The following SAMD3 variants were observed in gnomAD, a reference collection of about 807,000 sequenced individuals.
SAMD3 encodes sterile alpha motif domain-containing protein 3.
SAMD3 carries 63 observed loss-of-function variants against 58.5 expected under a neutral mutation model. The observed-to-expected ratio is 1.08, with a 90% confidence interval of 0.88 to 1.33. SAMD3 has a LOEUF of 1.33. SAMD3 is among the 40% of genes most tolerant of loss of function. The pLI, the probability that SAMD3 is intolerant of heterozygous loss-of-function variation, is 0.00. For missense variants in SAMD3, 604 were observed against 608.4 expected (o/e 0.99, Z 0.08); for synonymous variants, 220 against 210.3 (o/e 1.05, Z -0.40).
chr6:130,297,822 A>G (rs977833431), intron 2 of SAMD3, among the ~76,000 whole-genome samples: 2 of 152,232 alleles, frequency 1.3e-5, no homozygotes, highest in Non-Finnish European at 2.9e-5. Flanking sequence ...TCACCCAGTC[A>G]GACAAAAATC....
chr6:130,192,547 A>C (rs1361639391), intron 5 of SAMD3, among the ~76,000 whole-genome samples: 4 of 150,390 alleles, frequency 2.7e-5, no homozygotes, highest in East Asian at 4.0e-4. Context: ...CCAGAGAACA[A>C]CCCCCCTTTT....
In SAMD3 at chr6:130,176,026, C is replaced by T. The variant is rs1791691715; in HGVS notation, c.655-18G>A. ...CATAAAAACTGTAAAATAAAACAGA[C>T]CAGTTAATCTTCAAGGAGATTGAGA... On this transcript the variant is annotated intron_variant, in intron 7 of 11. Transcript: ENST00000439090. 1 of 1,603,556 alleles carries T rather than the reference C, an allele frequency of 6.2e-7. No individual in the cohort carries two copies. Among genetic ancestry groups the T allele is most frequent in the African/African-American group, 1.3e-5 (1 of 74,664 alleles).
intron 2 of SAMD3, among the ~76,000 whole-genome samples, chr6:130,251,797 G>A (rs1280974748): frequency 2.6e-5 from 4 of 152,132 alleles, no homozygotes; most frequent in African/African-American, 9.7e-5. Context: ...AGGAAGGTAT[G>A]AGTCCTCCAA....
intron 8 of SAMD3, among the ~76,000 whole-genome samples, chr6:130,174,193 T>C (rs1791511403): frequency 6.6e-6 from 1 of 152,110 alleles, no homozygotes; most frequent in Non-Finnish European, 1.5e-5. Context: ...AACAGTTCTG[T>C]CTCACTGGGG....
chr6:130,260,625 G>C (rs1248582114), intron 2 of SAMD3, among the ~76,000 whole-genome samples: 1 of 152,184 alleles, frequency 6.6e-6, no homozygotes, highest in South Asian at 2.1e-4. Flanking sequence ...TTGGTTCCCT[G>C]ACCGGGAAGC....
rs991029263 is a variant in SAMD3 at position 130,196,225 on chromosome 6, A to G, written c.384-11602T>C. On this transcript the variant is annotated intron_variant, in intron 5 of 11. Coordinates refer to ENST00000439090, the MANE Select transcript of SAMD3 (RefSeq NM_001017373.4). ...TCAGAGGCCTTTAAAATAACAAACT[A>G]TGCTCAACTCACTCTCTACAGTTCT... Among the ~76,000 whole-genome samples, 10 of 152,120 alleles carry G rather than the reference A, an allele frequency of 6.6e-5. No individual in the cohort carries two copies. The East Asian group carries it at 1.9e-3, about 29-fold the overall frequency.
At position 130,184,142 on chromosome 6, in the gene SAMD3, C is replaced by T. The variant is rs772108108; in HGVS notation, c.615G>A (p.Leu205=). 1 of 1,614,064 alleles carries T rather than the reference C, an allele frequency of 6.2e-7. No individual in the cohort carries two copies. The highest frequency in any genetic ancestry group is 8.5e-7 in the Non-Finnish European group (1 of 1,179,960). ...QQYNDVVNAL[L]QAHPFLDEDG... ...CCTCATCCAGGAAAGGGTGGGCCTGCAGCAGGGCATTAACCACGTCATTGT... is the reference window on the plus strand; with the variant it reads ...CCTCATCCAGGAAAGGGTGGGCCTGTAGCAGGGCATTAACCACGTCATTGT... Residue 205 remains leucine (L), a synonymous_variant, in exon 7 of 12, where the codon CTG becomes CTA. Coordinates refer to ENST00000439090, the MANE Select transcript of SAMD3 (RefSeq NM_001017373.4).
At chr6:130,198,904 C>A (rs1582894578) in intron 5 of SAMD3, among the ~76,000 whole-genome samples, 2 of 152,152 alleles carry the variant, frequency 1.3e-5, no homozygotes, top group South Asian at 4.1e-4. Context: ...CTCAGCTGAA[C>A]CCTGGTTGAC....
intron 1 of SAMD3, among the ~76,000 whole-genome samples, chr6:130,222,290 G>T (rs140974702): frequency 6.6e-6 from 1 of 152,156 alleles, no homozygotes; most frequent in Non-Finnish European, 1.5e-5. Flanking sequence ...GCAATGGTCC[G>T]AATAGCAAAT....
chr6:130,317,415 A>G (rs1028784726), intron 1 of SAMD3, among the ~76,000 whole-genome samples: 1 of 152,216 alleles, frequency 6.6e-6, no homozygotes, highest in Admixed American at 6.5e-5. Context: ...CATGTATTTT[A>G]TTATGATATA....
chr6:130,184,358 G>T, intron 6 of SAMD3, 80 bp downstream of exon 6: 1 of 1,383,110 alleles, frequency 7.2e-7, no homozygotes. Flanking sequence ...AATCTGAAGA[G>T]AGTTGATTCC....
At chr6:130,170,559 C>T (rs13218154) in intron 8 of SAMD3, among the ~76,000 whole-genome samples, 14,419 of 152,174 alleles carry the variant, frequency 0.095, 1,091 homozygotes, top group African/African-American at 0.21. Context: ...TTTCATGATA[C>T]TGACTCTTCC....
chr6:130,162,662 C>A (rs539606558), intron 8 of SAMD3, among the ~76,000 whole-genome samples: 2 of 152,078 alleles, frequency 1.3e-5, no homozygotes, highest in Admixed American at 6.6e-5. Flanking sequence ...CTTATAAATA[C>A]CCTATGAAAA....
intron 5 of SAMD3, among the ~76,000 whole-genome samples, chr6:130,193,404 GC>G (rs1199818750): frequency 6.6e-5 from 10 of 151,736 alleles, no homozygotes; most frequent in Middle Eastern, 3.4e-3. Context: ...TTATTTCCGT[GC>G]CCTGACCTCT....
chr6:130,149,091 A>G (rs1445852669), intron 9 of SAMD3, among the ~76,000 whole-genome samples: 1 of 152,184 alleles, frequency 6.6e-6, no homozygotes, highest in Non-Finnish European at 1.5e-5. Flanking sequence ...TCAATTCCAA[A>G]CCAATACCAC....
chr6:130,151,087 C>T (rs1260899618), intron 9 of SAMD3, among the ~76,000 whole-genome samples: 6 of 152,130 alleles, frequency 3.9e-5, no homozygotes, highest in South Asian at 2.1e-4. Context: ...GTGTAGACTT[C>T]GGCCCAGCCC....
At position 130,182,086 on chromosome 6, in the gene SAMD3, A is replaced by C. The variant is rs1338065931; in HGVS notation, c.654+2017T>G. Among the ~76,000 whole-genome samples the C allele has an allele frequency of 4.2e-3, 630 of 150,494 alleles. 8 individuals are homozygous for C. Among genetic ancestry groups the C allele is most frequent in the African/African-American group, 0.013 (522 of 40,792 alleles). ...TCTCAAAAAAAAAAAAAAAAAAAAA[A>C]ACCACAAGTTCTATACACAGTAACA... On this transcript the variant is annotated intron_variant, in intron 7 of 11. Coordinates refer to ENST00000439090, the MANE Select transcript of SAMD3 (RefSeq NM_001017373.4).
At chr6:130,228,019 A>C (rs917526215) in intron 2 of SAMD3, among the ~76,000 whole-genome samples, 3 of 152,212 alleles carry the variant, frequency 2.0e-5, no homozygotes, top group African/African-American at 7.2e-5. Flanking sequence ...CCAGCAAAGC[A>C]AGTAAAACTA....
chr6:130,322,261 T>TGA (rs140576072), intron 1 of SAMD3, among the ~76,000 whole-genome samples: 4 of 151,710 alleles, frequency 2.6e-5, no homozygotes, highest in East Asian at 1.9e-4. Flanking sequence ...AGCAGCAGGC[T>TGA]GAGAGAGAGA....
Sources: allele counts gnomAD v4.1 joint callset (sites outside exome capture counted in the v4.1 genomes callset), GRCh38; gene constraint gnomAD v4.1.1; transcripts MANE v1.5; gene names NCBI Gene and HGNC (gene_info 2026-07-23, HGNC 2026-07-21).